Variants in ARID1B observed in about 807,000 individuals in gnomAD.
ARID1B encodes the protein AT-rich interaction domain 1B.
A neutral mutation model predicts 212.3 loss-of-function variants in ARID1B; 30 were observed. The observed-to-expected ratio is 0.14, with a 90% CI of 0.11 to 0.19. ARID1B has a LOEUF of 0.19. ARID1B is among the 10% of genes least tolerant of loss of function. The pLI is 1.00. For missense variants in ARID1B, 2,891 were observed against 3,204.0 expected (o/e 0.90, Z 2.36); for synonymous variants, 1,402 against 1,301.7 (o/e 1.08, Z -1.66).
At chr6:156,924,869 T>C (rs1791096626) in intron 3 of ARID1B, among the ~76,000 whole-genome samples, 1 of 152,248 alleles carries the variant, frequency 6.6e-6, no homozygotes, top group Non-Finnish European at 1.5e-5. Context: ...TTTGCCTTTA[T>C]GACTTTATTA....
intron 5 of ARID1B, among the ~76,000 whole-genome samples, chr6:157,091,545 G>A (rs1205265013): frequency 5.9e-5 from 9 of 152,210 alleles, no homozygotes; most frequent in Non-Finnish European, 1.5e-5. Context: ...ATGAATCTCA[G>A]TTAGGAGTTA....
chr6:156,792,700 A>G (rs1249371405), intron 1 of ARID1B, among the ~76,000 whole-genome samples: 1 of 152,128 alleles, frequency 6.6e-6, no homozygotes. Context: ...GCAGTCTGAA[A>G]TTTATGAGTG....
chr6:156,976,641 C>T (rs1402237454), intron 4 of ARID1B, among the ~76,000 whole-genome samples: 5 of 152,178 alleles, frequency 3.3e-5, no homozygotes, highest in Admixed American at 2.0e-4. Context: ...TCTGGGTCCC[C>T]TTCCACCACG....
intron 4 of ARID1B, among the ~76,000 whole-genome samples, chr6:156,954,060 T>C (rs1218997733): frequency 1.3e-5 from 2 of 152,254 alleles, no homozygotes; most frequent in Non-Finnish European, 1.5e-5. Context: ...TAACATTTTA[T>C]AGGCTTTTTC....
chr6:156,818,098 A>ATTTTTTTTTT (rs71027317), intron 1 of ARID1B, among the ~76,000 whole-genome samples: 1 of 61,322 alleles, frequency 1.6e-5, no homozygotes, highest in African/African-American at 7.1e-5. Context: ...TAGTTGCCCT[A>ATTTTTTTTTT]TTTTTTTTTT....
At chr6:156,901,826 C>A in intron 3 of ARID1B, 1 of 397,642 alleles carries the variant, frequency 2.5e-6, no homozygotes, top group Non-Finnish European at 4.5e-6. Context: ...TTCAAGAAAG[C>A]ACTCTGCCAC....
chr6:157,083,887 A>C (rs4870507), intron 4 of ARID1B, among the ~76,000 whole-genome samples: 30,301 of 152,120 alleles, frequency 0.2, 3,277 homozygotes, highest in East Asian at 0.46. Context: ...TAATCCCAGC[A>C]CTTTGGGAGG....
Position 157,094,109 on chromosome 6 carries a change from G to A in ARID1B, c.2491+9204G>A, listed in dbSNP as rs143774097. On this transcript the variant is annotated intron_variant, in intron 5 of 19. Coordinates refer to ENST00000636930, the MANE Select transcript of ARID1B (RefSeq NM_001374828.1). This position sits in a 1 kb window ranked among gnomAD's most constrained non-coding sequence, Gnocchi z 4.3. Reference sequence around the variant, plus strand: ...GTGTCTCTCTTAGAAGCTGATATTTGAACAAGAGAAGTGAAAGAAGGGCAG... The same window carrying A: ...GTGTCTCTCTTAGAAGCTGATATTTAAACAAGAGAAGTGAAAGAAGGGCAG... Among the ~76,000 whole-genome samples, 746 of 152,264 alleles carry A rather than the reference G, an allele frequency of 4.9e-3. 4 individuals are homozygous for A. The highest frequency in any genetic ancestry group is 0.017 in the African/African-American group (709 of 41,556).
intron 4 of ARID1B, among the ~76,000 whole-genome samples, chr6:156,945,910 G>A (rs528895788): frequency 6.6e-6 from 1 of 151,960 alleles, no homozygotes; most frequent in Non-Finnish European, 1.5e-5. Context: ...TTGTGAGGCC[G>A]ATGTGGGAGG....
At chr6:157,204,266 G>A (rs753637999) in intron 19 of ARID1B, 4 of 282,538 alleles carry the variant, frequency 1.4e-5, no homozygotes, top group Non-Finnish European at 2.7e-5. Flanking sequence ...GATGACAGTA[G>A]TAACATTAAA....
At chr6:157,050,688 ATT>A (rs1317111463) in intron 4 of ARID1B, among the ~76,000 whole-genome samples, 1 of 152,136 alleles carries the variant, frequency 6.6e-6, no homozygotes, top group Non-Finnish European at 1.5e-5. Context: ...AAAAAAGTTA[ATT>A]TTTTTGTTTT....
At chr6:157,193,988 A>G (rs1471947677) in intron 15 of ARID1B, 1 of 152,222 alleles carries the variant, frequency 6.6e-6, no homozygotes, top group Non-Finnish European at 1.5e-5. Flanking sequence ...CCCCCTTACT[A>G]AGAATGATCA....
At chr6:156,972,072 A>T (rs185092329) in intron 4 of ARID1B, among the ~76,000 whole-genome samples, 1 of 152,318 alleles carries the variant, frequency 6.6e-6, no homozygotes. Flanking sequence ...TTCTTAGTTC[A>T]TATAGTTCTG....
chr6:157,150,727 C>T (rs1171994662), intron 8 of ARID1B: 1 of 179,110 alleles, frequency 5.6e-6, no homozygotes, highest in Non-Finnish European at 1.2e-5. Flanking sequence ...CACTTTAGGC[C>T]ACCATACATT....
At chr6:156,815,353 T>A (rs965725213) in intron 1 of ARID1B, among the ~76,000 whole-genome samples, 3 of 152,236 alleles carry the variant, frequency 2.0e-5, no homozygotes, top group Non-Finnish European at 2.9e-5. Flanking sequence ...GCTAGATTGG[T>A]ATATTAATTC....
chr6:156,791,589 T>C (rs1394039016), intron 1 of ARID1B, among the ~76,000 whole-genome samples: 1 of 152,256 alleles, frequency 6.6e-6, no homozygotes, highest in African/African-American at 2.4e-5. Context: ...TTTTTCTTTT[T>C]ATTCCACTGG....
At position 156,901,360 on chromosome 6, in the gene ARID1B, C is replaced by T; in HGVS notation, c.1987-16C>T. On this transcript the variant is annotated splice_polypyrimidine_tract_variant and intron_variant, in intron 2 of 19. Transcript: ENST00000636930. ...CATTTTGACTTTCTCATTTGCTTTGCTTGACTTTTTGACAGATGCCACCTC... is the reference window on the plus strand; with the variant it reads ...CATTTTGACTTTCTCATTTGCTTTGTTTGACTTTTTGACAGATGCCACCTC... 1.2e-6 allele frequency: 2 copies of T among 1,614,134 alleles called. No homozygotes were observed. Among genetic ancestry groups the T allele is most frequent in the Non-Finnish European group, 1.7e-6 (2 of 1,180,026 alleles).
chr6:157,080,906 A>C (rs1349528754), intron 4 of ARID1B, among the ~76,000 whole-genome samples: 1 of 152,208 alleles, frequency 6.6e-6, no homozygotes, highest in African/African-American at 2.4e-5. Context: ...TCGATAGTAG[A>C]AGTTAAGTTA....
At chr6:157,156,913 T>C (rs1790615043) in intron 8 of ARID1B, among the ~76,000 whole-genome samples, 1 of 152,216 alleles carries the variant, frequency 6.6e-6, no homozygotes, top group Non-Finnish European at 1.5e-5. Flanking sequence ...CTGGGAGCAC[T>C]CTGGCATCAG....
Sources: gnomAD v4.1 joint callset for allele counts (sites outside exome capture counted in the v4.1 genomes callset) on GRCh38, gnomAD v4.1.1 for gene constraint, Gnocchi (gnomAD v3.1) non-coding constraint, MANE v1.5 for transcripts, NCBI Gene and HGNC (gene_info 2026-07-23, HGNC 2026-07-21) for gene names.